Variants in SAMD12 observed in about 807,000 individuals in gnomAD.
The protein encoded by SAMD12 is sterile alpha motif domain containing 12.
SAMD12 carries 9 observed loss-of-function variants against 15.0 expected under a neutral mutation model. The observed-to-expected ratio is 0.60, with a 90% CI of 0.36 to 1.05. The LOEUF is 1.05. Ranked by LOEUF, SAMD12 falls within the 50% of genes least tolerant of loss-of-function variation. SAMD12 has a pLI of 0.01. For missense variants in SAMD12, 230 were observed against 234.2 expected (o/e 0.98, Z 0.12); for synonymous variants, 86 against 90.1 (o/e 0.96, Z 0.25).
At chr8:118,432,894 GCCA>G (rs1361315814) in intron 3 of SAMD12, among the ~76,000 whole-genome samples, 1 of 152,006 alleles carries the variant, frequency 6.6e-6, no homozygotes, top group African/African-American at 2.4e-5. Context: ...TACCACCACT[GCCA>G]CTGCCGCCAT....
At chr8:118,575,047 T>C (rs73319343) in intron 2 of SAMD12, among the ~76,000 whole-genome samples, 1,641 of 152,314 alleles carry the variant, frequency 0.011, 35 homozygotes, top group African/African-American at 0.037. Context: ...CCCAGATTAA[T>C]GGTTCCTGCT....
intron 2 of SAMD12, among the ~76,000 whole-genome samples, chr8:118,475,585 T>G (rs571281617): frequency 2.6e-4 from 40 of 152,326 alleles, no homozygotes; most frequent in African/African-American, 7.9e-4. Context: ...GCTAATAAAT[T>G]GCAGAGCCAG....
chr8:118,460,343 A>C (rs1332979270), intron 2 of SAMD12, among the ~76,000 whole-genome samples: 2 of 152,330 alleles, frequency 1.3e-5, no homozygotes, highest in South Asian at 2.1e-4. Context: ...TGAAGCACTT[A>C]CTGTTTGCCA....
At chr8:118,366,517 A>G (rs1757067102) in intron 4 of SAMD12, among the ~76,000 whole-genome samples, 7 of 152,210 alleles carry the variant, frequency 4.6e-5, no homozygotes, top group Admixed American at 4.6e-4. Flanking sequence ...CTGTAAAAAG[A>G]TAAACAAAAT....
chr8:118,557,424 T>C (rs577383366), intron 2 of SAMD12, among the ~76,000 whole-genome samples: 68 of 152,318 alleles, frequency 4.5e-4, no homozygotes, highest in African/African-American at 1.6e-3. Context: ...GAGAACAGAC[T>C]AATACAGGGG....
intron 4 of SAMD12, among the ~76,000 whole-genome samples, chr8:118,353,480 C>G (rs528424526): frequency 1.3e-5 from 2 of 151,928 alleles, no homozygotes; most frequent in African/African-American, 4.8e-5. Context: ...CTTTCCTGCT[C>G]TCCTCCGTGT....
chr8:118,452,944 TGAGAATGATCAA>T (rs1823125864), intron 2 of SAMD12, among the ~76,000 whole-genome samples: 1 of 152,212 alleles, frequency 6.6e-6, no homozygotes, highest in South Asian at 2.1e-4. Flanking sequence ...GATACCACAA[TGAGAATGATCAA>T]GAATTAGCAG....
At chr8:118,146,001 A>T in the SAMD12 span, among the ~76,000 whole-genome samples, 1 of 152,214 alleles carries the variant, frequency 6.6e-6, no homozygotes, top group Non-Finnish European at 1.5e-5. Context: ...ATGCAACCCC[A>T]TGGCTGCCAC....
In SAMD12 at chr8:118,564,846, A is replaced by G. The variant is rs148029509; in HGVS notation, c.192+15869T>C. On this transcript the variant is annotated intron_variant, in intron 2 of 3. Coordinates refer to ENST00000314727, the MANE Select transcript of SAMD12 (RefSeq NM_207506.3). Reference sequence around the variant, plus strand: ...GCTTCTGAACAGCTATCTTCCACGCAGTGACTTGGTGATTGAAGCTCTTTT... The same window carrying G: ...GCTTCTGAACAGCTATCTTCCACGCGGTGACTTGGTGATTGAAGCTCTTTT... Among the ~76,000 whole-genome samples, 320 of 152,348 alleles carry G rather than the reference A, an allele frequency of 2.1e-3. 1 individual carries two copies. Among genetic ancestry groups the G allele is most frequent in the Non-Finnish European group, 3.6e-3 (244 of 68,030 alleles).
At chr8:118,498,149 G>T (rs767232759) in intron 2 of SAMD12, among the ~76,000 whole-genome samples, 51 of 152,164 alleles carry the variant, frequency 3.4e-4, no homozygotes, top group Admixed American at 5.2e-4. Context: ...GCTGGCTTCT[G>T]ATTCCAGCTG....
chr8:118,239,379 G>A (rs1197607892), intron 4 of SAMD12, among the ~76,000 whole-genome samples: 5 of 152,070 alleles, frequency 3.3e-5, no homozygotes, highest in Non-Finnish European at 7.4e-5. Context: ...ATTGCATATA[G>A]TAATCCTCAA....
chr8:118,621,848 T>C lies in SAMD12; in HGVS notation c.-32A>G. 1 of 1,613,418 alleles carries C rather than the reference T, an allele frequency of 6.2e-7. No homozygotes were observed. The highest frequency in any genetic ancestry group is 8.5e-7 in the Non-Finnish European group (1 of 1,179,520). ...AGAGCTTCCCTAACGCATGCATAAT[T>C]TTCTTGGCCGAGGTACTCCTCCTGC... On this transcript the variant is annotated 5_prime_UTR_variant, in exon 1 of 4. Transcript: ENST00000314727.
chr8:118,482,728 T>A (rs1173568909), intron 2 of SAMD12, among the ~76,000 whole-genome samples: 2 of 152,162 alleles, frequency 1.3e-5, no homozygotes. Context: ...TATGGAAGGA[T>A]GACTGTACGT....
At chr8:118,226,505 C>T (rs1024880073) in intron 4 of SAMD12, among the ~76,000 whole-genome samples, 1 of 152,118 alleles carries the variant, frequency 6.6e-6, no homozygotes, top group African/African-American at 2.4e-5. Context: ...TAACACTCAC[C>T]CTGAAAGAAC....
At chr8:118,260,925 T>G (rs1361691755) in intron 4 of SAMD12, among the ~76,000 whole-genome samples, 1 of 152,124 alleles carries the variant, frequency 6.6e-6, no homozygotes, top group Non-Finnish European at 1.5e-5. Flanking sequence ...AATCAGCCCC[T>G]TTCTGAAACT....
intron 4 of SAMD12, among the ~76,000 whole-genome samples, chr8:118,358,829 T>C (rs1818351106): frequency 6.6e-6 from 1 of 152,158 alleles, no homozygotes; most frequent in Non-Finnish European, 1.5e-5. Flanking sequence ...ATATGGATAC[T>C]CCAGGGATGA....
chr8:118,604,763 TA>T (rs907392996), intron 1 of SAMD12, among the ~76,000 whole-genome samples: 60 of 149,962 alleles, frequency 4.0e-4, no homozygotes, highest in Non-Finnish European at 5.9e-5. Flanking sequence ...CTACTAAAAA[TA>T]AAAAAAAATT....
chr8:118,394,018 T>G (rs1322124897), intron 3 of SAMD12, among the ~76,000 whole-genome samples: 1 of 73,052 alleles, frequency 1.4e-5, no homozygotes, highest in Non-Finnish European at 2.9e-5. Context: ...TTTCCCCTAT[T>G]TGATAAGTGA....
chr8:118,225,964 A>C (rs1812180165), intron 4 of SAMD12, among the ~76,000 whole-genome samples: 1 of 152,142 alleles, frequency 6.6e-6, no homozygotes, highest in Non-Finnish European at 1.5e-5. Flanking sequence ...GCAGGAACTG[A>C]GTCTCAAGAT....
Sources: gnomAD v4.1 joint callset for allele counts (sites outside exome capture counted in the v4.1 genomes callset) on GRCh38, gnomAD v4.1.1 for gene constraint, MANE v1.5 for transcripts, NCBI Gene and HGNC (gene_info 2026-07-23, HGNC 2026-07-21) for gene names.